Variants in RBFOX1 observed in about 807,000 individuals in gnomAD.
RBFOX1 encodes the protein RNA binding fox-1 homolog 1, also known as RNA binding protein fox-1 homolog 1.
Under a neutral mutation model 57.7 loss-of-function variants are expected in RBFOX1, and 8 were observed. The ratio of observed to expected loss-of-function variants is 0.14; its 90% CI spans 0.08 to 0.25. The LOEUF (loss-of-function observed/expected upper bound fraction) is 0.25. Ranked by LOEUF, RBFOX1 falls within the 10% of genes least tolerant of loss-of-function variation. RBFOX1 has a pLI of 1.00. For missense variants in RBFOX1, 611 were observed against 548.5 expected (o/e 1.11, Z -1.14); for synonymous variants, 326 against 222.4 (o/e 1.47, Z -4.15).
At chr16:5,960,420 C>G (rs779962927) in intron 4 of RBFOX1, among the ~76,000 whole-genome samples, 6 of 152,128 alleles carry the variant, frequency 3.9e-5, no homozygotes, top group African/African-American at 9.7e-5. Flanking sequence ...ATGCCCCTCC[C>G]AAATTCCATT....
chr16:6,607,140 T>G (rs1462699536), intron 2 of RBFOX1, among the ~76,000 whole-genome samples: 2 of 152,170 alleles, frequency 1.3e-5, no homozygotes, highest in East Asian at 1.9e-4. Context: ...GCACTCTGCA[T>G]TTTAGCAAGC....
At position 5,540,807 on chromosome 16, in the gene RBFOX1, C is replaced by T. The variant is rs190005068; in HGVS notation, c.259-58095C>T. Among the ~76,000 whole-genome samples, 18 of 152,298 alleles carry T rather than the reference C, an allele frequency of 1.2e-4. No individual in the cohort carries two copies. In the East Asian group the frequency reaches 3.5e-3, roughly 29 times the overall value. ...TTTTTGGAGTGCAGAATCTCAGCTC[C>T]ATCCCAATTGCGCTGAATCTAAATC... On this transcript the variant is annotated intron_variant, in intron 2 of 2. Transcript: ENST00000585867.
At chr16:7,419,943 TTA>T (rs148262685) in intron 4 of RBFOX1, among the ~76,000 whole-genome samples, 52,871 of 136,834 alleles carry the variant, frequency 0.39, 7,227 homozygotes, top group East Asian at 0.53. Flanking sequence ...TTTTTTTTTT[TTA>T]ATTGTTTTGG....
chr16:6,033,204 A>G (rs1419964882), intron 1 of RBFOX1, among the ~76,000 whole-genome samples: 2 of 152,344 alleles, frequency 1.3e-5, no homozygotes, highest in Non-Finnish European at 1.5e-5. Flanking sequence ...TCAAATAATT[A>G]AAAACTATTC....
At chr16:7,055,071 G>T (rs1008050120) in intron 4 of RBFOX1, among the ~76,000 whole-genome samples, 1 of 152,048 alleles carries the variant, frequency 6.6e-6, no homozygotes, top group African/African-American at 2.4e-5. Context: ...ATATCTTGAA[G>T]ATATTAAGGA....
upstream of RBFOX1, among the ~76,000 whole-genome samples, chr16:6,016,284 G>A (rs2152343024): frequency 6.6e-6 from 1 of 151,288 alleles, no homozygotes; most frequent in East Asian, 1.9e-4. Context: ...GGGAGTTGAG[G>A]GATTGGCAGG....
At chr16:5,317,334 C>T (rs1161270018) in intron 1 of RBFOX1, among the ~76,000 whole-genome samples, 9 of 152,176 alleles carry the variant, frequency 5.9e-5, no homozygotes, top group South Asian at 2.1e-4. Context: ...CCTGGCCAGG[C>T]GCAGTGGCTA....
intron 3 of RBFOX1, among the ~76,000 whole-genome samples, chr16:6,702,471 T>C (rs998548696): frequency 1.3e-5 from 2 of 152,128 alleles, no homozygotes; most frequent in Admixed American, 1.3e-4. Flanking sequence ...GGAGAATTGC[T>C]TGAGCCCGGG....
intron 3 of RBFOX1, among the ~76,000 whole-genome samples, chr16:6,981,592 C>T (rs1017213379): frequency 3.3e-5 from 5 of 152,114 alleles, no homozygotes; most frequent in African/African-American, 1.2e-4. Flanking sequence ...GCTGGGGAGG[C>T]CTCACAGTCA....
At chr16:7,069,616 A>C (rs1237270581) in intron 4 of RBFOX1, among the ~76,000 whole-genome samples, 1 of 152,168 alleles carries the variant, frequency 6.6e-6, no homozygotes, top group Non-Finnish European at 1.5e-5. Context: ...AAGAAGCATC[A>C]TGGAATTAAC....
chr16:7,368,149 C>G (rs1265623652), intron 4 of RBFOX1, among the ~76,000 whole-genome samples: 1 of 151,900 alleles, frequency 6.6e-6, no homozygotes, highest in African/African-American at 2.4e-5. Flanking sequence ...CACCAGTAGT[C>G]CCAGCTACTT....
At chr16:5,687,718 G>A (rs2050548172) in intron 3 of RBFOX1, among the ~76,000 whole-genome samples, 2 of 152,132 alleles carry the variant, frequency 1.3e-5, no homozygotes, top group South Asian at 4.1e-4. Flanking sequence ...CCACACCTGG[G>A]AACCCCTTCA....
chr16:6,576,169 T>C (rs1222754495), intron 2 of RBFOX1, among the ~76,000 whole-genome samples: 1 of 152,142 alleles, frequency 6.6e-6, no homozygotes, highest in African/African-American at 2.4e-5. Context: ...ATTCATTCTT[T>C]CATTTTGCAA....
intron 1 of RBFOX1, among the ~76,000 whole-genome samples, chr16:5,259,378 G>C (rs1182164798): frequency 6.6e-6 from 1 of 152,192 alleles, no homozygotes; most frequent in Admixed American, 6.5e-5. Flanking sequence ...AGCCAGCCTG[G>C]CTCTGGCTCT....
At chr16:7,573,581 C>G (rs3826218) in intron 5 of RBFOX1, among the ~76,000 whole-genome samples, 39,817 of 151,850 alleles carry the variant, frequency 0.26, 6,162 homozygotes, top group Non-Finnish European at 0.34. Context: ...AGCCTGTAAT[C>G]CCAGCACTTT....
chr16:6,930,456 C>G (rs1411549587), intron 3 of RBFOX1, among the ~76,000 whole-genome samples: 1 of 152,148 alleles, frequency 6.6e-6, no homozygotes, highest in Non-Finnish European at 1.5e-5. Context: ...GTCACCCAGG[C>G]TGGAGCGCAG....
At chr16:5,785,107 C>T (rs1361477058) in intron 3 of RBFOX1, among the ~76,000 whole-genome samples, 2 of 152,132 alleles carry the variant, frequency 1.3e-5, no homozygotes, top group Non-Finnish European at 2.9e-5. Flanking sequence ...CAACTTTTAC[C>T]TTCCACGGAT....
chr16:7,005,291 T>C (rs2093199919), intron 3 of RBFOX1, among the ~76,000 whole-genome samples: 1 of 152,200 alleles, frequency 6.6e-6, no homozygotes, highest in Non-Finnish European at 1.5e-5. Context: ...CTTGCCTCCA[T>C]TCCAGTCATC....
intron 4 of RBFOX1, among the ~76,000 whole-genome samples, chr16:5,917,165 C>G (rs971968507): frequency 2.0e-5 from 3 of 152,168 alleles, no homozygotes; most frequent in Non-Finnish European, 4.4e-5. Flanking sequence ...CTAAGCACCA[C>G]AGGATGCCAG....
Sources: allele counts gnomAD v4.1 joint callset (sites outside exome capture counted in the v4.1 genomes callset), GRCh38; gene constraint gnomAD v4.1.1; transcripts MANE v1.5; gene names NCBI Gene and HGNC (gene_info 2026-07-23, HGNC 2026-07-21).